The following PCLO variants were observed in gnomAD, a reference collection of about 807,000 sequenced individuals.
PCLO encodes piccolo presynaptic cytomatrix protein, also known as protein piccolo.
A neutral mutation model predicts 427.5 loss-of-function variants in PCLO; 82 were observed. The ratio of observed to expected loss-of-function variants is 0.19; its 90% confidence interval spans 0.16 to 0.23. The LOEUF (loss-of-function observed/expected upper bound fraction) is 0.23. Ranked by LOEUF, PCLO falls within the 10% of genes least tolerant of loss-of-function variation. The probability of loss-of-function intolerance (pLI) is 1.00; values close to 1 mark genes in which losing one functional copy is unlikely to be tolerated. For synonymous variants in PCLO, 2,357 were observed against 2,155.4 expected, an observed-to-expected ratio of 1.09 and a Z score of -2.59; for missense variants, 6,239 against 6,115.9, an observed-to-expected ratio of 1.02 and a Z score of -0.67.
At chr7:82,861,473 C>A (rs1456062134) in intron 10 of PCLO, among the ~76,000 whole-genome samples, 2 of 151,856 alleles carry the variant, frequency 1.3e-5, no homozygotes, top group Non-Finnish European at 2.9e-5. Context: ...TATATGCACC[C>A]AACACTGGAT....
chr7:82,845,333 C>T lies in PCLO; in HGVS notation c.13984G>A (p.Val4662Ile), dbSNP rs772352152. The stretch of plus-strand genomic sequence containing the variant: ...GACCCTGGTTGCCCAGGGCTGGGAA[C>T]GGAACTGGATCCTGCTGATGTAGGA... ...SGPTSAGSSS[V>I]PSPGQPGSPS... is the part of the protein sequence containing the mutation. Residue 4662 changes from valine (V) to isoleucine (I), a missense_variant, in exon 13 of 25, where the codon GTT (valine) becomes ATT (isoleucine). Physicochemically the swap from Val to Ile is conservative, Grantham distance 29 (BLOSUM62 3). This residue lies in a region of PCLO where 877 missense variants were observed against 925.5 expected (regional missense o/e 0.95). Transcript: ENST00000333891. 4.0e-5 allele frequency: 64 copies of T among 1,613,396 alleles called. No homozygotes were observed. Among genetic ancestry groups the T allele is most frequent in the South Asian group, 5.5e-5 (5 of 91,088 alleles).
intron 3 of PCLO, among the ~76,000 whole-genome samples, chr7:83,054,238 T>C (rs1490373237): frequency 6.6e-6 from 1 of 152,040 alleles, no homozygotes; most frequent in African/African-American, 2.4e-5. Context: ...GGAGCTCTCT[T>C]ATGCAAAAAG....
At chr7:82,926,548 C>G (rs1012022069) in intron 6 of PCLO, among the ~76,000 whole-genome samples, 2 of 152,120 alleles carry the variant, frequency 1.3e-5, no homozygotes, top group African/African-American at 2.4e-5. Flanking sequence ...AAAAAATTCT[C>G]TAATTGATAC....
chr7:82,987,475 A>G (rs1796282350), intron 3 of PCLO, among the ~76,000 whole-genome samples: 1 of 152,084 alleles, frequency 6.6e-6, no homozygotes, highest in South Asian at 2.1e-4. Context: ...TATATTATAA[A>G]GTCTATTGTA....
Position 83,134,322 on chromosome 7 carries a change from G to A in PCLO, c.3228C>T (p.Phe1076=). 6.2e-7 allele frequency: 1 copy of A among 1,605,536 alleles called. No individual in the cohort carries two copies. The highest frequency in any genetic ancestry group is 1.1e-5 in the South Asian group (1 of 89,844). Residue 1076 remains phenylalanine (F), a synonymous_variant, in exon 3 of 25, where the codon TTC becomes TTT. Transcript: ENST00000333891. ...GATTCTTGCATTCAGTGCAAGTATT[G>A]AAGTTAGGAGGATCCTTAGAACCTA... ...LNIGSKDPPN[F]NTCTECKNQV...
intron 3 of PCLO, among the ~76,000 whole-genome samples, chr7:83,102,807 A>G (rs1790767543): frequency 6.6e-6 from 1 of 151,896 alleles, no homozygotes; most frequent in Non-Finnish European, 1.5e-5. Context: ...TTCAACTTTG[A>G]TATAGTTCAT....
Position 83,162,514 on chromosome 7 carries a change from T to C in PCLO, c.79A>G (p.Ser27Gly). The C allele has an allele frequency of 6.4e-7, 1 of 1,561,466 alleles. No individual in the cohort carries two copies. The highest frequency in any genetic ancestry group is 1.4e-5 in the African/African-American group (1 of 73,590). ...AAAAAAGGGASGAGSPSHTAI... is the reference protein window; with the variant it reads ...AAAAAAGGGAGGAGSPSHTAI... Reference sequence around the variant, plus strand: ...GTGTGAGAGGGGCTCCCCGCCCCGCTAGCTCCTCCTCCAGCCGCTGCGGCC... The same window carrying C: ...GTGTGAGAGGGGCTCCCCGCCCCGCCAGCTCCTCCTCCAGCCGCTGCGGCC... Residue 27 changes from serine to glycine, a missense_variant, in exon 1 of 25, where the codon AGC becomes GGC. Ser to Gly is a moderately conservative substitution (Grantham distance 56). This residue lies in a region of PCLO where 4,677 missense variants were observed against 4,468.4 expected (regional missense o/e 1.05). Coordinates refer to ENST00000333891, the MANE Select transcript of PCLO (RefSeq NM_033026.6).
chr7:83,150,101 T>G (rs963096077), intron 2 of PCLO, among the ~76,000 whole-genome samples: 2 of 152,248 alleles, frequency 1.3e-5, no homozygotes, highest in African/African-American at 4.8e-5. Context: ...ATTATGAAAT[T>G]TAATAAGAGT....
At chr7:82,970,107 T>C (rs1006013163) in intron 3 of PCLO, among the ~76,000 whole-genome samples, 1 of 152,040 alleles carries the variant, frequency 6.6e-6, no homozygotes, top group African/African-American at 2.4e-5. Context: ...AAAAATCATA[T>C]AACATATGCC....
At position 83,134,864 on chromosome 7, in the gene PCLO, G is replaced by A. The variant is rs369189035; in HGVS notation, c.2686C>T (p.Pro896Ser). Reference protein sequence around the residue: ...GQTVPTPQQSPKPQEQSRRFS... With the variant: ...GQTVPTPQQSSKPQEQSRRFS... The stretch of plus-strand genomic sequence containing the variant: ...CGCCTTGACTGCTCCTGAGGCTTTG[G>A]GGACTGTTGAGGTGTGGGGACAGTT... The change falls in exon 3 of 25, where the codon CCA becomes TCA. Residue 896 changes from proline (P) to serine (S), a missense_variant. Transcript: ENST00000333891. 1.9e-5 allele frequency: 30 copies of A among 1,608,816 alleles called. No individual in the cohort carries two copies. The highest frequency in any genetic ancestry group is 2.2e-5 in the Non-Finnish European group (26 of 1,177,320).
chr7:82,824,257 T>C lies in PCLO; in HGVS notation c.14575A>G (p.Ile4859Val), dbSNP rs774944711. ...CTACCCTTTGATGGGTCAGGGAAGATACCATGGCTTCTGCTTTTGATAACA... is the reference window on the plus strand; with the variant it reads ...CTACCCTTTGATGGGTCAGGGAAGACACCATGGCTTCTGCTTTTGATAACA... ...PSVIKSRSHG[I>V]FPDPSKDMQV... is the part of the protein sequence containing the mutation. The change falls in exon 19 of 25, where the codon ATC becomes GTC. Residue 4859 changes from isoleucine (I) to valine (V), a missense_variant. Coordinates refer to ENST00000333891, the MANE Select transcript of PCLO (RefSeq NM_033026.6). 3 of 1,612,590 alleles carry C rather than the reference T, an allele frequency of 1.9e-6. No homozygotes were observed. The highest frequency in any genetic ancestry group is 2.2e-5 in the East Asian group (1 of 44,782).
Position 82,879,378 on chromosome 7 carries a change from A to G in PCLO, c.13613T>C (p.Leu4538Pro), listed in dbSNP as rs776253670. 2.5e-6 allele frequency: 4 copies of G among 1,612,612 alleles called. No homozygotes were observed. Among genetic ancestry groups the G allele is most frequent in the Non-Finnish European group, 3.4e-6 (4 of 1,179,132 alleles). Reference protein sequence around the residue: ...GEIGAYIAKILPGGSAEQTGK... With the variant: ...GEIGAYIAKIPPGGSAEQTGK... ...CGTCTGTTCCGCACTTCCCCCAGGAAGAATCTTGGCAATATAGGCTCCAAT... is the reference window on the plus strand; with the variant it reads ...CGTCTGTTCCGCACTTCCCCCAGGAGGAATCTTGGCAATATAGGCTCCAAT... The change falls in exon 10 of 25, where the codon CTT becomes CCT. Residue 4538 changes from leucine to proline, a missense_variant. This residue lies in a region of PCLO where 877 missense variants were observed against 925.5 expected (regional missense o/e 0.95). Transcript: ENST00000333891.
chr7:83,153,484 A>T (rs998819252), intron 2 of PCLO, among the ~76,000 whole-genome samples: 5 of 152,202 alleles, frequency 3.3e-5, no homozygotes, highest in Non-Finnish European at 7.4e-5. Context: ...TGTTATTATC[A>T]TGATAGATTT....
chr7:83,005,799 G>A (rs546799260), intron 3 of PCLO, among the ~76,000 whole-genome samples: 26 of 151,562 alleles, frequency 1.7e-4, no homozygotes, highest in African/African-American at 6.0e-4. Context: ...GCATGTTTTA[G>A]TAAAGGAATA....
intron 4 of PCLO, 109 bp from the exon 5 acceptor site, chr7:82,957,044 A>C: frequency 5.7e-6 from 7 of 1,229,256 alleles, no homozygotes; most frequent in Non-Finnish European, 5.3e-6. Context: ...ATTTTGGAAA[A>C]TTTTTTCAAC....
chr7:83,013,901 C>T (rs1293207168), intron 3 of PCLO, among the ~76,000 whole-genome samples: 1 of 152,072 alleles, frequency 6.6e-6, no homozygotes, highest in East Asian at 1.9e-4. Flanking sequence ...TTAAACAAAA[C>T]TTAGCTTTTG....
rs751796517 is a variant in PCLO at position 82,916,061 on chromosome 7, G to A, written c.11925C>T (p.Thr3975=). ...GGTTGCGAATCACTTCATAGTTTGA[G>A]GTTATCTTGGGCTCCAAATATAATG... The part of the protein sequence containing the change: ...QTTLYLEPKI[T]SNYEVIRNQP... Residue 3975 remains threonine, a synonymous_variant, in exon 7 of 25, where the codon ACC becomes ACT. Transcript: ENST00000333891. 29 of 1,613,126 alleles carry A rather than the reference G, an allele frequency of 1.8e-5. No homozygotes were observed. The highest frequency in any genetic ancestry group is 2.3e-5 in the Non-Finnish European group (27 of 1,179,758).
chr7:82,990,951 TCTTA>T (rs1413655253), intron 3 of PCLO, among the ~76,000 whole-genome samples: 2 of 152,138 alleles, frequency 1.3e-5, no homozygotes, highest in African/African-American at 2.4e-5. Context: ...TTCATTTATT[TCTTA>T]CTTACTAATT....
chr7:83,020,973 T>C (rs1788328688), intron 3 of PCLO, among the ~76,000 whole-genome samples: 2 of 152,146 alleles, frequency 1.3e-5, no homozygotes, highest in African/African-American at 2.4e-5. Flanking sequence ...AACTTGAGCA[T>C]TGTGAAATGT....
Sources: gnomAD v4.1 joint callset for allele counts (sites outside exome capture counted in the v4.1 genomes callset) on GRCh38, gnomAD v4.1.1 for gene constraint, gnomAD v4.1.1 regional missense constraint, MANE v1.5 for transcripts, NCBI Gene and HGNC (gene_info 2026-07-23, HGNC 2026-07-21) for gene names.